ARHGEF10L: variants seen among roughly 807,000 people sequenced by gnomAD.
ARHGEF10L encodes Rho guanine nucleotide exchange factor 10 like.
In ARHGEF10L, 69 loss-of-function variants were observed where a neutral mutation model predicts 141.2. The ratio of observed to expected loss-of-function variants is 0.49; its 90% CI spans 0.40 to 0.60. The LOEUF is 0.60. Among genes scored for constraint, ARHGEF10L ranks in the 20% least tolerant of loss-of-function variants. The pLI, the probability that ARHGEF10L is intolerant of heterozygous loss-of-function variation, is 0.00. For missense variants in ARHGEF10L, 1,482 were observed against 1,734.3 expected (o/e 0.85, Z 2.58); for synonymous variants, 711 against 718.5 (o/e 0.99, Z 0.17).
chr1:17,657,676 A>T (rs1265185937), intron 25 of ARHGEF10L, among the ~76,000 whole-genome samples: 1 of 151,736 alleles, frequency 6.6e-6, no homozygotes, highest in Non-Finnish European at 1.5e-5. Context: ...TAAGGCATTT[A>T]TAGTTTTTAA....
intron 1 of ARHGEF10L, among the ~76,000 whole-genome samples, chr1:17,560,338 G>T (rs1425178951): frequency 6.6e-6 from 1 of 152,162 alleles, no homozygotes; most frequent in Non-Finnish European, 1.5e-5. Flanking sequence ...TTCCCCACCT[G>T]GATCTCCAGC....
At chr1:17,670,508 T>C (rs2063256020) in intron 26 of ARHGEF10L, among the ~76,000 whole-genome samples, 1 of 152,196 alleles carries the variant, frequency 6.6e-6, no homozygotes, top group Non-Finnish European at 1.5e-5. Flanking sequence ...GGGATGATTG[T>C]TGCATCTTAA....
chr1:17,650,834 G>C (rs1187981454), intron 22 of ARHGEF10L, among the ~76,000 whole-genome samples: 2 of 152,112 alleles, frequency 1.3e-5, no homozygotes, highest in Non-Finnish European at 2.9e-5. Flanking sequence ...GCGGAGGCCA[G>C]GGCTGTGACT....
chr1:17,688,563 G>T (rs1010585900), intron 27 of ARHGEF10L, among the ~76,000 whole-genome samples: 1 of 152,222 alleles, frequency 6.6e-6, no homozygotes, highest in African/African-American at 2.4e-5. Flanking sequence ...TCTTGTCCCA[G>T]TGCCCCAGGC....
chr1:17,637,441 G>T (rs2061066786), intron 18 of ARHGEF10L, among the ~76,000 whole-genome samples: 1 of 152,128 alleles, frequency 6.6e-6, no homozygotes, highest in Non-Finnish European at 1.5e-5. Context: ...AAAGGATCTG[G>T]CTTCCCAGCT....
chr1:17,594,241 T>C (rs867900638), intron 4 of ARHGEF10L, among the ~76,000 whole-genome samples: 1 of 152,040 alleles, frequency 6.6e-6, no homozygotes, highest in Non-Finnish European at 1.5e-5. Flanking sequence ...GGACAGGCGC[T>C]GATACAATCT....
chr1:17,696,969 T>C lies in ARHGEF10L; in HGVS notation c.3429T>C (p.Ala1143=). 6.2e-7 allele frequency: 1 copy of C among 1,612,210 alleles called. No individual in the cohort carries two copies. Among genetic ancestry groups the C allele is most frequent in the South Asian group, 1.1e-5 (1 of 90,946 alleles). The change falls in exon 29 of 29, where the codon GCT becomes GCC. Residue 1143 remains alanine (A), a synonymous_variant. Coordinates refer to ENST00000361221, the MANE Select transcript of ARHGEF10L (RefSeq NM_018125.4). ...AGGAGGAGGCTGAGGGGCCCCGGGCTGAGGAGGACAAGCCAGACGGGCAGG... is the reference window on the plus strand; with the variant it reads ...AGGAGGAGGCTGAGGGGCCCCGGGCCGAGGAGGACAAGCCAGACGGGCAGG... ...SDQEEAEGPR[A]EEDKPDGQAH... is the part of the protein sequence containing the mutation.
intron 1 of ARHGEF10L, among the ~76,000 whole-genome samples, chr1:17,575,974 C>T (rs901461736): frequency 1.3e-5 from 2 of 152,134 alleles, no homozygotes; most frequent in African/African-American, 4.8e-5. Context: ...GCTGGGTGGC[C>T]GCTGCCCAGC....
upstream of ARHGEF10L, among the ~76,000 whole-genome samples, chr1:17,537,854 C>CAAAAAAAAAAAAAAAAAAAAA (rs10611023): frequency 2.5e-4 from 20 of 79,802 alleles, no homozygotes; most frequent in Non-Finnish European, 3.3e-4. Context: ...ACCATCTCTA[C>CAAAAAAAAAAAAAAAAAAAAA]AAAAAAAAAA....
intron 26 of ARHGEF10L, among the ~76,000 whole-genome samples, chr1:17,676,784 G>C (rs1009349010): frequency 1.3e-5 from 2 of 151,842 alleles, no homozygotes; most frequent in South Asian, 4.2e-4. Flanking sequence ...TCCCCTAAAG[G>C]CTCTGCCTGA....
At chr1:17,658,274 G>A (rs1425204533) in intron 25 of ARHGEF10L, among the ~76,000 whole-genome samples, 1 of 152,190 alleles carries the variant, frequency 6.6e-6, no homozygotes, top group East Asian at 1.9e-4. Flanking sequence ...CATATTCTGA[G>A]GTACTGGGGG....
intron 9 of ARHGEF10L, chr1:17,618,489 CCCT>C (rs753543385): frequency 4.8e-3 from 6,312 of 1,308,096 alleles, no homozygotes; most frequent in South Asian, 0.017. Context: ...CATCCGCTGT[CCCT>C]CCTCCTCCTC....
chr1:17,522,813 G>A, the ARHGEF10L span, among the ~76,000 whole-genome samples: 3 of 152,060 alleles, frequency 2.0e-5, no homozygotes, highest in African/African-American at 7.2e-5. Flanking sequence ...GTGAAAGAAG[G>A]GTCCCTGATA....
chr1:17,522,682 A>C, the ARHGEF10L span, among the ~76,000 whole-genome samples: 4 of 151,902 alleles, frequency 2.6e-5, no homozygotes, highest in Non-Finnish European at 5.9e-5. Context: ...TGTGCCCGCA[A>C]AGGCTTGCTC....
chr1:17,667,372 G>T (rs1046969208), intron 26 of ARHGEF10L, among the ~76,000 whole-genome samples: 31 of 152,158 alleles, frequency 2.0e-4, no homozygotes, highest in Non-Finnish European at 3.4e-4. Flanking sequence ...TAACGGAGGA[G>T]GCACAGCCTG....
At chr1:17,599,062 GGTC>G (rs775289367) in intron 4 of ARHGEF10L, among the ~76,000 whole-genome samples, 4 of 152,140 alleles carry the variant, frequency 2.6e-5, no homozygotes, top group Non-Finnish European at 4.4e-5. Flanking sequence ...TAAATGTGCA[GGTC>G]GGGCTTGTAG....
chr1:17,532,838 G>A, the ARHGEF10L span, among the ~76,000 whole-genome samples: 8 of 151,942 alleles, frequency 5.3e-5, no homozygotes, highest in African/African-American at 1.9e-4. Flanking sequence ...CAGGTGATCT[G>A]CCTGCCTCGG....
chr1:17,568,699 G>A (rs929275897), intron 1 of ARHGEF10L, among the ~76,000 whole-genome samples: 2 of 152,218 alleles, frequency 1.3e-5, no homozygotes, highest in African/African-American at 4.8e-5. Context: ...CATCCGCATT[G>A]TCTGGTTCCT....
intron 1 of ARHGEF10L, among the ~76,000 whole-genome samples, chr1:17,565,391 C>T (rs2077710543): frequency 1.3e-5 from 2 of 152,362 alleles, no homozygotes; most frequent in African/African-American, 2.4e-5. Context: ...TCCTGCTTAA[C>T]ATTTGCTCCT....
Sources: gnomAD v4.1 joint callset for allele counts (sites outside exome capture counted in the v4.1 genomes callset) on GRCh38, gnomAD v4.1.1 for gene constraint, MANE v1.5 for transcripts, NCBI Gene and HGNC (gene_info 2026-07-23, HGNC 2026-07-21) for gene names.